DSCAM: variants seen among roughly 807,000 people sequenced by gnomAD.
The protein encoded by DSCAM is cell adhesion molecule DSCAM.
A neutral mutation model predicts 217.7 loss-of-function variants in DSCAM; 47 were observed. That is an observed-to-expected ratio of 0.22 (90% CI 0.17 to 0.28). The LOEUF (loss-of-function observed/expected upper bound fraction) is 0.28, where lower values mean the gene tolerates loss of function less well. Among genes scored for constraint, DSCAM ranks in the 10% least tolerant of loss-of-function variants. DSCAM has a pLI of 1.00. For missense variants in DSCAM, 2,080 were observed against 2,618.3 expected, an observed-to-expected ratio of 0.79 and a Z score of 4.49; for synonymous variants, 1,056 against 1,015.3, an observed-to-expected ratio of 1.04 and a Z score of -0.76.
intron 19 of DSCAM, among the ~76,000 whole-genome samples, chr21:40,132,268 C>T (rs116777242): frequency 6.6e-6 from 1 of 152,192 alleles, no homozygotes; most frequent in Non-Finnish European, 1.5e-5. Flanking sequence ...CTGATGGCTA[C>T]AGCAGATTGT....
intron 3 of DSCAM, among the ~76,000 whole-genome samples, chr21:40,666,398 C>T (rs949736427): frequency 1.3e-5 from 2 of 152,118 alleles, no homozygotes; most frequent in Admixed American, 1.3e-4. Context: ...AAATAACTTA[C>T]CCAGGATCAC....
At position 40,293,432 on chromosome 21, in the gene DSCAM, G is replaced by C. The variant is rs115319820; in HGVS notation, c.2182+2623C>G. On this transcript the variant is annotated intron_variant, in intron 10 of 32. Coordinates refer to ENST00000400454, the MANE Select transcript of DSCAM (RefSeq NM_001389.5). ...TTCCTAACACATAAGGAGTTTGGGT[G>C]CCTGATGACTTAGCCAAGCCAACAA... Among the ~76,000 whole-genome samples the C allele has an allele frequency of 1.9e-3, 285 of 152,276 alleles. 1 individual carries two copies. Among genetic ancestry groups the C allele is most frequent in the African/African-American group, 6.3e-3 (262 of 41,558 alleles).
In DSCAM at chr21:40,189,128, T is replaced by C; in HGVS notation, c.2467A>G (p.Lys823Glu). Residue 823 changes from lysine to glutamate, a missense_variant, in exon 12 of 33, where the codon AAG becomes GAG. By Grantham distance (56) the Lys-to-Glu change is moderately conservative. Around this residue, in one of 5 missense-constraint regions of DSCAM, gnomAD observed 1,144 missense variants for 1,421.1 expected, o/e 0.81. Transcript: ENST00000400454. ...GEKPIIVRWE[K>E]EDRIINPEMA... ...TCAGGGTTAATGATTCGGTCCTCCT[T>C]CTCCCAGCGGACTATAATGGGCTTC... The C allele has an allele frequency of 6.2e-7, 1 of 1,614,128 alleles. No homozygotes were observed. The highest frequency in any genetic ancestry group is 8.5e-7 in the Non-Finnish European group (1 of 1,180,022).
intron 8 of DSCAM, among the ~76,000 whole-genome samples, chr21:40,324,876 C>G (rs577671859): frequency 1.4e-4 from 21 of 152,246 alleles, no homozygotes; most frequent in African/African-American, 4.8e-4. Flanking sequence ...AGATGAGGTA[C>G]AATTATTTTA....
In DSCAM at chr21:40,083,966, C is replaced by T. The variant is rs765940317; in HGVS notation, c.4173G>A (p.Thr1391=). ...GCCAAGAAAGGGTGATGGAGGAAGA[C>T]GTGGTCTTGGAGACTGTAAGCCGAG... ...DQPRLTVSKT[T]SSSITLSWLP... The change falls in exon 24 of 33, where the codon ACG becomes ACA. Residue 1391 remains threonine (T), a synonymous_variant. Coordinates refer to ENST00000400454, the MANE Select transcript of DSCAM (RefSeq NM_001389.5). 66 of 1,613,710 alleles carry T rather than the reference C, an allele frequency of 4.1e-5. No individual in the cohort carries two copies. The highest frequency in any genetic ancestry group is 5.0e-5 in the Non-Finnish European group (59 of 1,179,912).
At chr21:40,512,108 AG>A (rs2076263981) in intron 3 of DSCAM, among the ~76,000 whole-genome samples, 1 of 152,038 alleles carries the variant, frequency 6.6e-6, no homozygotes, top group Non-Finnish European at 1.5e-5. Flanking sequence ...CTGTTTTGCA[AG>A]AAGAGAGTGT....
At chr21:40,791,218 G>T (rs2091639874) in intron 1 of DSCAM, among the ~76,000 whole-genome samples, 1 of 151,824 alleles carries the variant, frequency 6.6e-6, no homozygotes, top group Admixed American at 6.6e-5. Context: ...TGAAGCAAAA[G>T]CCTCTCCAAG....
intron 32 of DSCAM, among the ~76,000 whole-genome samples, chr21:40,031,409 C>CTGAT (rs1054601594): frequency 1.3e-5 from 2 of 152,184 alleles, no homozygotes; most frequent in African/African-American, 4.8e-5. Flanking sequence ...TGAATCCCTA[C>CTGAT]TGATTGAATA....
At chr21:40,272,156 G>C (rs2123367365) in intron 11 of DSCAM, among the ~76,000 whole-genome samples, 2 of 151,954 alleles carry the variant, frequency 1.3e-5, no homozygotes, top group African/African-American at 4.8e-5. Context: ...AAGTGGCATA[G>C]CTTCTGTAGC....
chr21:40,515,230 G>T (rs1484515247), intron 3 of DSCAM, among the ~76,000 whole-genome samples: 1 of 152,050 alleles, frequency 6.6e-6, no homozygotes, highest in Non-Finnish European at 1.5e-5. Flanking sequence ...CCTTGAAAAA[G>T]AGTTTTTGCC....
At chr21:40,044,563 C>A (rs1171493314) in intron 30 of DSCAM, among the ~76,000 whole-genome samples, 1 of 152,116 alleles carries the variant, frequency 6.6e-6, no homozygotes, top group African/African-American at 2.4e-5. Context: ...ATGTTATGAC[C>A]CTTCTAACAT....
At chr21:40,269,874 T>G (rs775863191) in intron 11 of DSCAM, among the ~76,000 whole-genome samples, 1 of 152,216 alleles carries the variant, frequency 6.6e-6, no homozygotes, top group Non-Finnish European at 1.5e-5. Flanking sequence ...GCAAGTACGC[T>G]ATTTCCAAAT....
chr21:40,595,050 GCCA>G (rs2077011342), intron 3 of DSCAM, among the ~76,000 whole-genome samples: 1 of 152,130 alleles, frequency 6.6e-6, no homozygotes, highest in African/African-American at 2.4e-5. Flanking sequence ...CTTCTTTGGT[GCCA>G]CCAAGTGCAA....
At chr21:40,311,864 A>G (rs896539849) in intron 9 of DSCAM, among the ~76,000 whole-genome samples, 2 of 151,766 alleles carry the variant, frequency 1.3e-5, no homozygotes, top group African/African-American at 4.8e-5. Flanking sequence ...TAATTATTTA[A>G]AACATATTTT....
At chr21:40,661,447 G>C (rs8128891) in intron 3 of DSCAM, among the ~76,000 whole-genome samples, 15 of 151,918 alleles carry the variant, frequency 9.9e-5, no homozygotes, top group Non-Finnish European at 2.1e-4. Flanking sequence ...ACAATTATTC[G>C]ACAACAAAAA....
chr21:40,778,377 G>A (rs2091508390), intron 1 of DSCAM, among the ~76,000 whole-genome samples: 1 of 152,126 alleles, frequency 6.6e-6, no homozygotes, highest in South Asian at 2.1e-4. Flanking sequence ...TTGAGACGGA[G>A]TCCTGCTCTG....
At chr21:40,829,041 G>A (rs2091992314) in intron 1 of DSCAM, among the ~76,000 whole-genome samples, 1 of 152,196 alleles carries the variant, frequency 6.6e-6, no homozygotes, top group African/African-American at 2.4e-5. Flanking sequence ...CCCCTGGGCT[G>A]TGGGAATACT....
At chr21:40,435,464 A>G (rs1234686027) in intron 3 of DSCAM, among the ~76,000 whole-genome samples, 1 of 152,088 alleles carries the variant, frequency 6.6e-6, no homozygotes, top group African/African-American at 2.4e-5. Flanking sequence ...TACCTTTATA[A>G]CAAACCTGAA....
intron 3 of DSCAM, among the ~76,000 whole-genome samples, chr21:40,590,348 C>A (rs2076975305): frequency 6.6e-6 from 1 of 152,214 alleles, no homozygotes; most frequent in African/African-American, 2.4e-5. Flanking sequence ...GCCAGAGGGG[C>A]ACATTAATGA....
Sources: gnomAD v4.1 joint callset for allele counts (sites outside exome capture counted in the v4.1 genomes callset) on GRCh38, gnomAD v4.1.1 for gene constraint, gnomAD v4.1.1 regional missense constraint, MANE v1.5 for transcripts, NCBI Gene and HGNC (gene_info 2026-07-23, HGNC 2026-07-21) for gene names.